BAZ2B: variants seen among roughly 807,000 people sequenced by gnomAD.
The protein encoded by BAZ2B is bromodomain adjacent to zinc finger domain 2B, also known as bromodomain adjacent to zinc finger domain protein 2B.
BAZ2B carries 91 observed loss-of-function variants against 246.0 expected under a neutral mutation model. That is an observed-to-expected ratio of 0.37 (90% CI 0.31 to 0.44). The LOEUF is 0.44. BAZ2B is among the 20% of genes least tolerant of loss of function. The probability of loss-of-function intolerance (pLI) is 1.00; values close to 1 mark genes in which losing one functional copy is unlikely to be tolerated. For synonymous variants in BAZ2B, 855 were observed against 860.0 expected (o/e 0.99, Z 0.10); for missense variants, 2,332 against 2,533.7 (o/e 0.92, Z 1.71).
intron 2 of BAZ2B, among the ~76,000 whole-genome samples, chr2:159,494,784 T>G (rs1366750450): frequency 1.3e-5 from 2 of 152,210 alleles, no homozygotes; most frequent in Non-Finnish European, 2.9e-5. Flanking sequence ...TGAAAACATC[T>G]GATGTTCAAC....
intron 27 of BAZ2B, among the ~76,000 whole-genome samples, chr2:159,358,429 T>C (rs546438335): frequency 4.5e-4 from 68 of 152,320 alleles, no homozygotes; most frequent in African/African-American, 1.4e-3. Flanking sequence ...TAAATATGTA[T>C]GCACCCAATA....
chr2:159,559,857 C>T (rs1172685851), intron 1 of BAZ2B, among the ~76,000 whole-genome samples: 1 of 152,092 alleles, frequency 6.6e-6, no homozygotes, highest in African/African-American at 2.4e-5. Context: ...TTTATGAAAA[C>T]ATAATTCAAC....
intron 13 of BAZ2B, among the ~76,000 whole-genome samples, chr2:159,416,723 T>C (rs775988429): frequency 4.6e-5 from 7 of 152,206 alleles, no homozygotes; most frequent in Non-Finnish European, 8.8e-5. Flanking sequence ...CAGACAAATA[T>C]AGTGACCATA....
At chr2:159,604,236 C>A (rs752254004) in intron 1 of BAZ2B, among the ~76,000 whole-genome samples, 4 of 151,950 alleles carry the variant, frequency 2.6e-5, no homozygotes, top group Non-Finnish European at 4.4e-5. Context: ...GTTATATTCT[C>A]AAATAGTTTT....
chr2:159,544,319 C>T (rs914246519), intron 2 of BAZ2B, among the ~76,000 whole-genome samples: 9 of 152,058 alleles, frequency 5.9e-5, no homozygotes, highest in Non-Finnish European at 8.8e-5. Context: ...TAGTACCTGG[C>T]GCACAGTGAG....
chr2:159,395,682 T>C (rs2063916809), intron 20 of BAZ2B, 87 bp downstream of exon 20: 1 of 1,233,024 alleles, frequency 8.1e-7, no homozygotes, highest in Non-Finnish European at 1.1e-6. Flanking sequence ...AAACCTATAT[T>C]CTGAAAAATT....
At chr2:159,596,615 G>T (rs936208385) in intron 1 of BAZ2B, among the ~76,000 whole-genome samples, 3 of 151,950 alleles carry the variant, frequency 2.0e-5, no homozygotes, top group African/African-American at 7.3e-5. Flanking sequence ...TGAGATTTTG[G>T]TGCACCCAAC....
At chr2:159,403,283 C>T (rs2065385039) in intron 16 of BAZ2B, among the ~76,000 whole-genome samples, 1 of 152,088 alleles carries the variant, frequency 6.6e-6, no homozygotes, top group Non-Finnish European at 1.5e-5. Context: ...TGAGATTGGC[C>T]TCAGATAAAT....
the BAZ2B span, among the ~76,000 whole-genome samples, chr2:159,660,671 C>G: frequency 6.6e-6 from 1 of 152,164 alleles, no homozygotes; most frequent in Non-Finnish European, 1.5e-5. Context: ...ACAATTTCAG[C>G]TCACTGCAAC....
the BAZ2B span, among the ~76,000 whole-genome samples, chr2:159,700,216 CTTA>C: frequency 7.9e-5 from 12 of 152,114 alleles, no homozygotes; most frequent in Non-Finnish European, 1.8e-4. Flanking sequence ...ACAGTTGTCC[CTTA>C]TTATAGGGAG....
chr2:159,592,205 T>C (rs1689561778), intron 1 of BAZ2B, among the ~76,000 whole-genome samples: 1 of 152,194 alleles, frequency 6.6e-6, no homozygotes, highest in African/African-American at 2.4e-5. Context: ...ATACTGCATA[T>C]CAATAAATTA....
chr2:159,316,844 T>C (rs972072021), downstream of BAZ2B, among the ~76,000 whole-genome samples: 1 of 150,662 alleles, frequency 6.6e-6, no homozygotes, highest in Non-Finnish European at 1.5e-5. Context: ...CTACTGAAAA[T>C]ACAGAAATCA....
At chr2:159,525,991 G>C (rs2084688827) in intron 2 of BAZ2B, among the ~76,000 whole-genome samples, 1 of 152,140 alleles carries the variant, frequency 6.6e-6, no homozygotes, top group Non-Finnish European at 1.5e-5. Context: ...GCAATAGTTG[G>C]TCTCCTGAGA....
At chr2:159,517,376 T>C (rs1290388363) in intron 2 of BAZ2B, among the ~76,000 whole-genome samples, 3 of 151,992 alleles carry the variant, frequency 2.0e-5, no homozygotes, top group Non-Finnish European at 4.4e-5. Context: ...AGGGAAGATT[T>C]AAATTAGCCA....
intron 1 of BAZ2B, among the ~76,000 whole-genome samples, chr2:159,609,190 T>C (rs1694168367): frequency 6.6e-6 from 1 of 152,212 alleles, no homozygotes; most frequent in African/African-American, 2.4e-5. Context: ...CTATTATAGC[T>C]GGCCTAACTT....
chr2:159,543,976 C>G (rs1451903209), intron 2 of BAZ2B, among the ~76,000 whole-genome samples: 1 of 152,230 alleles, frequency 6.6e-6, no homozygotes, highest in African/African-American at 2.4e-5. Flanking sequence ...CTTTTAATCT[C>G]TAAATGCTCT....
intron 2 of BAZ2B, among the ~76,000 whole-genome samples, chr2:159,491,679 C>T (rs2151024670): frequency 1.5e-5 from 2 of 132,386 alleles, no homozygotes; most frequent in South Asian, 2.6e-4. Flanking sequence ...CGAGATCCCG[C>T]CACTGCACTC....
intron 1 of BAZ2B, among the ~76,000 whole-genome samples, chr2:159,602,938 A>G (rs1692503280): frequency 6.6e-6 from 1 of 152,188 alleles, no homozygotes; most frequent in Admixed American, 6.5e-5. Context: ...GGAGTTCAAG[A>G]CCAGCCAGGT....
chr2:159,480,443 T>C (rs1475628801), intron 2 of BAZ2B, among the ~76,000 whole-genome samples: 2 of 152,132 alleles, frequency 1.3e-5, no homozygotes, highest in Non-Finnish European at 2.9e-5. Context: ...AAAACCTGAT[T>C]CAGGACTAAA....
Sources: allele counts gnomAD v4.1 joint callset (sites outside exome capture counted in the v4.1 genomes callset), GRCh38; gene constraint gnomAD v4.1.1; transcripts MANE v1.5; gene names NCBI Gene and HGNC (gene_info 2026-07-23, HGNC 2026-07-21).